The following TMEM132D variants were observed in gnomAD, a reference collection of about 807,000 sequenced individuals.
The protein encoded by TMEM132D is mature OL transmembrane protein.
TMEM132D carries 21 observed loss-of-function variants against 62.3 expected under a neutral mutation model. That is an observed-to-expected ratio of 0.34 (90% CI 0.24 to 0.49). The LOEUF (loss-of-function observed/expected upper bound fraction) is 0.49, where lower values mean the gene tolerates loss of function less well. Among genes scored for constraint, TMEM132D ranks in the 20% least tolerant of loss-of-function variants. The pLI is 0.99. For synonymous variants in TMEM132D, 621 were observed against 575.6 expected, an observed-to-expected ratio of 1.08 and a Z score of -1.13; for missense variants, 1,346 against 1,402.8, an observed-to-expected ratio of 0.96 and a Z score of 0.65.
intron 3 of TMEM132D, among the ~76,000 whole-genome samples, chr12:129,397,060 C>G (rs1871451518): frequency 6.6e-6 from 1 of 152,100 alleles, no homozygotes; most frequent in Non-Finnish European, 1.5e-5. Flanking sequence ...ATATCTTCTC[C>G]TAAGTCCCGA....
chr12:129,600,536 T>G (rs1292887375), intron 2 of TMEM132D, among the ~76,000 whole-genome samples: 3 of 152,196 alleles, frequency 2.0e-5, no homozygotes, highest in Non-Finnish European at 2.9e-5. Context: ...CCCAAATCCA[T>G]CAGAGGAATC....
chr12:129,073,683 A>G lies in TMEM132D; in HGVS notation c.*192T>C, dbSNP rs1351354418. ...ATAAACCTCTTAAGCAAGACACTGTACTCTGGAATGTGTGCGTCGATGCGG... is the reference window on the plus strand; with the variant it reads ...ATAAACCTCTTAAGCAAGACACTGTGCTCTGGAATGTGTGCGTCGATGCGG... On this transcript the variant is annotated 3_prime_UTR_variant, in exon 9 of 9. Coordinates refer to ENST00000422113, the MANE Select transcript of TMEM132D (RefSeq NM_133448.3). 1.9e-6 allele frequency: 1 copy of G among 538,958 alleles called. No homozygotes were observed. The highest frequency in any genetic ancestry group is 3.2e-6 in the Non-Finnish European group (1 of 309,090). The allele number at this position is 538,958 out of a possible 1,614,324, so 33.4% of individuals were successfully genotyped here.
intron 1 of TMEM132D, among the ~76,000 whole-genome samples, chr12:129,851,763 T>C (rs1411349833): frequency 6.6e-6 from 1 of 152,122 alleles, no homozygotes; most frequent in Admixed American, 6.5e-5. Context: ...CAGCAAACTT[T>C]CCATAAAGGG....
chr12:129,763,574 G>T (rs1870453000), intron 1 of TMEM132D, among the ~76,000 whole-genome samples: 1 of 152,074 alleles, frequency 6.6e-6, no homozygotes, highest in Admixed American at 6.5e-5. Context: ...TGGTCCCAGA[G>T]GTTATGTGAG....
chr12:129,112,968 G>A (rs746642069), intron 5 of TMEM132D: 5 of 152,250 alleles, frequency 3.3e-5, no homozygotes, highest in Non-Finnish European at 7.3e-5. Flanking sequence ...TGCAATCTTT[G>A]TGCTATTGCT....
chr12:129,791,662 C>A (rs554715260), intron 1 of TMEM132D, among the ~76,000 whole-genome samples: 1 of 152,102 alleles, frequency 6.6e-6, no homozygotes, highest in Non-Finnish European at 1.5e-5. Flanking sequence ...ATTAACCCCC[C>A]CAGTCACCAA....
intron 1 of TMEM132D, among the ~76,000 whole-genome samples, chr12:129,794,565 T>C (rs886346405): frequency 6.6e-6 from 1 of 152,178 alleles, no homozygotes; most frequent in Non-Finnish European, 1.5e-5. Flanking sequence ...AAAGGTAACA[T>C]TATAGATTAA....
chr12:129,173,279 C>T (rs971656438), intron 5 of TMEM132D, among the ~76,000 whole-genome samples: 2 of 152,020 alleles, frequency 1.3e-5, no homozygotes, highest in South Asian at 2.1e-4. Context: ...GATTAATAAG[C>T]CTTGGATATA....
intron 3 of TMEM132D, among the ~76,000 whole-genome samples, chr12:129,484,202 TC>T (rs1175131588): frequency 8.5e-5 from 13 of 152,238 alleles, no homozygotes; most frequent in Non-Finnish European, 1.8e-4. Context: ...ACTCCTGAGC[TC>T]AGATGATCTG....
Position 129,835,452 on chromosome 12 carries a change from G to A in TMEM132D, c.79+67809C>T, listed in dbSNP as rs557064723. Among the ~76,000 whole-genome samples the A allele has an allele frequency of 1.2e-3, 188 of 151,936 alleles. 1 individual carries two copies. The South Asian group carries it at 0.017, about 14-fold the overall frequency. On this transcript the variant is annotated intron_variant, in intron 1 of 8. Transcript: ENST00000422113. ...ATTACAAACAAGCGCCACCAGGTCC[G>A]GCTAATTGTTTTATTTTTAGTAGAG...
At chr12:129,242,775 C>T (rs1879969581) in intron 4 of TMEM132D, among the ~76,000 whole-genome samples, 2 of 96,662 alleles carry the variant, frequency 2.1e-5, no homozygotes, top group African/African-American at 3.7e-5. Flanking sequence ...TTCTTATTTT[C>T]GGTAATTATC....
chr12:129,512,160 T>C (rs1331495279), intron 3 of TMEM132D, among the ~76,000 whole-genome samples: 3 of 152,192 alleles, frequency 2.0e-5, no homozygotes, highest in Non-Finnish European at 4.4e-5. Context: ...ATGATCCAAC[T>C]GGTAGAAAGC....
intron 3 of TMEM132D, among the ~76,000 whole-genome samples, chr12:129,528,941 A>G (rs1270685011): frequency 2.0e-5 from 3 of 152,254 alleles, no homozygotes; most frequent in African/African-American, 7.2e-5. Flanking sequence ...AAACACCTGT[A>G]AAATGTACAT....
chr12:129,412,858 GCAA>G (rs1280345055), intron 3 of TMEM132D, among the ~76,000 whole-genome samples: 4 of 151,958 alleles, frequency 2.6e-5, no homozygotes, highest in African/African-American at 4.8e-5. Flanking sequence ...CATCTCAACA[GCAA>G]CAACAACAAC....
chr12:129,286,820 G>C (rs1881311136), intron 4 of TMEM132D, among the ~76,000 whole-genome samples: 3 of 152,188 alleles, frequency 2.0e-5, no homozygotes, highest in Non-Finnish European at 4.4e-5. Flanking sequence ...GGCCAAGGCA[G>C]GTGGATGGCT....
intron 4 of TMEM132D, among the ~76,000 whole-genome samples, chr12:129,283,072 A>G (rs1278385496): frequency 6.6e-6 from 1 of 152,190 alleles, no homozygotes; most frequent in East Asian, 1.9e-4. Context: ...GCTGATACCT[A>G]TAGATCTGTC....
At chr12:129,472,474 C>T (rs897359356) in intron 3 of TMEM132D, among the ~76,000 whole-genome samples, 1 of 152,082 alleles carries the variant, frequency 6.6e-6, no homozygotes, top group African/African-American at 2.4e-5. Context: ...GGATAAATAC[C>T]TAATGCATGC....
chr12:129,191,457 T>TATATATATGAAACTATTATAAAGG (rs532747043), intron 5 of TMEM132D, among the ~76,000 whole-genome samples: 2,992 of 151,568 alleles, frequency 0.02, 94 homozygotes, highest in African/African-American at 0.068. Context: ...TGGAGGAAAC[T>TATATATATGAAACTATTATAAAGG]ATATATATGA....
chr12:129,664,905 G>A (rs2137194999), intron 2 of TMEM132D, among the ~76,000 whole-genome samples: 1 of 152,208 alleles, frequency 6.6e-6, no homozygotes, highest in East Asian at 1.9e-4. Flanking sequence ...GTATGTGTAG[G>A]ACACTGTTCT....
Sources: allele counts gnomAD v4.1 joint callset (sites outside exome capture counted in the v4.1 genomes callset), GRCh38; gene constraint gnomAD v4.1.1; transcripts MANE v1.5; gene names NCBI Gene and HGNC (gene_info 2026-07-23, HGNC 2026-07-21).